Variants in VOPP1 observed in about 807,000 individuals in gnomAD.
The protein encoded by VOPP1 is VOPP1 WW domain binding protein.
A neutral mutation model predicts 23.5 loss-of-function variants in VOPP1; 8 were observed. The ratio of observed to expected loss-of-function variants is 0.34; its 90% CI spans 0.20 to 0.61. VOPP1 has a LOEUF of 0.61. Ranked by LOEUF, VOPP1 falls within the 20% of genes least tolerant of loss-of-function variation. The pLI, the probability that VOPP1 is intolerant of heterozygous loss-of-function variation, is 0.78. For synonymous variants in VOPP1, 83 were observed against 97.3 expected (o/e 0.85, Z 0.86); for missense variants, 174 against 238.1 (o/e 0.73, Z 1.77).
At chr7:55,526,908 T>A (rs1179834400) in intron 1 of VOPP1, 1 of 152,264 alleles carries the variant, frequency 6.6e-6, no homozygotes, top group Non-Finnish European at 1.5e-5. Flanking sequence ...TGCCTCACAC[T>A]GCTTCTGCAT....
chr7:55,532,937 G>C (rs966574965), intron 1 of VOPP1, among the ~76,000 whole-genome samples: 3 of 152,148 alleles, frequency 2.0e-5, no homozygotes, highest in African/African-American at 7.2e-5. Flanking sequence ...TGAATTGATT[G>C]GTTATAAATG....
chr7:55,444,231 A>G (rs186978339), intron 4 of VOPP1, among the ~76,000 whole-genome samples: 12 of 152,320 alleles, frequency 7.9e-5, no homozygotes, highest in Non-Finnish European at 1.5e-4. Context: ...ATCATCGGAC[A>G]AGAGTCATGT....
chr7:55,520,952 C>G, intron 2 of VOPP1, 120 bp downstream of exon 2: 1 of 1,052,886 alleles, frequency 9.5e-7, no homozygotes, highest in South Asian at 1.6e-5. Context: ...AAGCCTGGCA[C>G]CGCAGCAGAG....
chr7:55,503,638 G>A lies in VOPP1; in HGVS notation c.114-5948C>T, dbSNP rs139601529. Among the ~76,000 whole-genome samples, 1,285 of 152,332 alleles carry A rather than the reference G, an allele frequency of 8.4e-3. 9 individuals carry two copies. The highest frequency in any genetic ancestry group is 0.013 in the Non-Finnish European group (879 of 68,036). On this transcript the variant is annotated intron_variant, in intron 2 of 4. Transcript: ENST00000285279. ...GCAATGGGATGGTGTTAAAAGGTGG[G>A]GCTTTTGGAAGGTGATCCGGTTACC...
intron 2 of VOPP1, among the ~76,000 whole-genome samples, chr7:55,504,416 C>A (rs918968670): frequency 6.6e-6 from 1 of 152,200 alleles, no homozygotes; most frequent in Non-Finnish European, 1.5e-5. Flanking sequence ...AAAGTTTCAG[C>A]AGAAAACTCC....
intron 4 of VOPP1, among the ~76,000 whole-genome samples, chr7:55,439,212 GAC>G (rs1391869708): frequency 6.6e-6 from 1 of 152,136 alleles, no homozygotes; most frequent in African/African-American, 2.4e-5. Flanking sequence ...AGGGAGCCAG[GAC>G]ACAGCCCTGG....
chr7:55,542,799 A>G (rs982462251), intron 1 of VOPP1, among the ~76,000 whole-genome samples: 1 of 152,128 alleles, frequency 6.6e-6, no homozygotes, highest in East Asian at 1.9e-4. Flanking sequence ...CCAAGAAAAA[A>G]AAAAAAATAC....
intron 3 of VOPP1, 41 bp from the exon 4 acceptor site, chr7:55,492,459 G>A (rs1321138363): frequency 1.5e-5 from 23 of 1,567,008 alleles, no homozygotes; most frequent in Non-Finnish European, 2.0e-5. Context: ...TCCCAGGTGG[G>A]GGCCCTGAGG....
intron 1 of VOPP1, among the ~76,000 whole-genome samples, chr7:55,548,571 C>T (rs10234275): frequency 0.01 from 1,577 of 152,360 alleles, 26 homozygotes; most frequent in African/African-American, 0.035. Context: ...TCCCACACTC[C>T]CAAACATGCT....
intron 1 of VOPP1, chr7:55,537,494 C>A (rs1314093734): frequency 1.4e-5 from 21 of 1,536,144 alleles, no homozygotes; most frequent in Non-Finnish European, 1.8e-5. Context: ...ACCAGCCGAG[C>A]AAGCACCTGA....
chr7:55,546,370 G>A (rs756728300), intron 1 of VOPP1, among the ~76,000 whole-genome samples: 6 of 152,238 alleles, frequency 3.9e-5, no homozygotes, highest in Non-Finnish European at 8.8e-5. Context: ...TATGCTCTAT[G>A]GACCGTGAGG....
chr7:55,525,303 C>T (rs930244166), intron 1 of VOPP1, among the ~76,000 whole-genome samples: 3 of 152,004 alleles, frequency 2.0e-5, no homozygotes, highest in African/African-American at 7.3e-5. Context: ...TCCTGCCTAA[C>T]ACAGTGAAAC....
At chr7:55,517,467 G>A (rs973707167) in intron 2 of VOPP1, among the ~76,000 whole-genome samples, 2 of 152,114 alleles carry the variant, frequency 1.3e-5, no homozygotes, top group Non-Finnish European at 2.9e-5. Context: ...CCTGCACACT[G>A]GCCATGTGTC....
At chr7:55,547,225 G>A (rs1033195978) in intron 1 of VOPP1, among the ~76,000 whole-genome samples, 1 of 152,182 alleles carries the variant, frequency 6.6e-6, no homozygotes, top group Non-Finnish European at 1.5e-5. Flanking sequence ...CTGAGGCTGG[G>A]GACGGGGGAC....
chr7:55,544,688 T>G (rs774526866), intron 1 of VOPP1, among the ~76,000 whole-genome samples: 7 of 152,134 alleles, frequency 4.6e-5, no homozygotes, highest in Non-Finnish European at 8.8e-5. Context: ...TGGAGAGTGT[T>G]GTTGAAGGCT....
chr7:55,440,559 C>T (rs77431605), intron 4 of VOPP1, among the ~76,000 whole-genome samples: 3,027 of 152,352 alleles, frequency 0.02, 120 homozygotes, highest in African/African-American at 0.069. Flanking sequence ...CCTATTCCTC[C>T]GTCCTCCCAC....
At chr7:55,505,402 C>T (rs563186783) in intron 2 of VOPP1, among the ~76,000 whole-genome samples, 3 of 152,118 alleles carry the variant, frequency 2.0e-5, no homozygotes, top group Non-Finnish European at 2.9e-5. Context: ...GGTTGCACCA[C>T]GAAGTGAGTC....
chr7:55,501,921 A>G (rs1794398081), intron 2 of VOPP1, among the ~76,000 whole-genome samples: 1 of 152,210 alleles, frequency 6.6e-6, no homozygotes, highest in South Asian at 2.1e-4. Context: ...CAGCTCTTAT[A>G]TCTGTGCTCT....
rs565911961 is a variant in VOPP1, at chr7:55,500,430, G to A, written c.114-2740C>T. ...CTCAATCCTACAACCACAAGAAACC[G>A]AATTCTGCCAACAACCCAAATCAAT... On this transcript the variant is annotated intron_variant, in intron 2 of 4. Coordinates refer to ENST00000285279, the MANE Select transcript of VOPP1 (RefSeq NM_030796.5). Among the ~76,000 whole-genome samples, 9 of 152,314 alleles carry A rather than the reference G, an allele frequency of 5.9e-5. 1 individual carries two copies. The highest frequency in any genetic ancestry group is 1.9e-4 in the African/African-American group (8 of 41,570).
Sources: gnomAD v4.1 joint callset for allele counts (sites outside exome capture counted in the v4.1 genomes callset) on GRCh38, gnomAD v4.1.1 for gene constraint, MANE v1.5 for transcripts, NCBI Gene and HGNC (gene_info 2026-07-23, HGNC 2026-07-21) for gene names.